The following B3GALT1 variants were observed in gnomAD, a reference collection of about 807,000 sequenced individuals.
B3GALT1 encodes the protein UDP-Gal:betaGlcNAc beta 1,3-galactosyltransferase, polypeptide 1.
B3GALT1 carries 10 observed loss-of-function variants against 23.2 expected under a neutral mutation model. That is an observed-to-expected ratio of 0.43 (90% CI 0.27 to 0.73). B3GALT1 has a LOEUF of 0.73. Among genes scored for constraint, B3GALT1 ranks in the 30% least tolerant of loss-of-function variants. The probability of loss-of-function intolerance (pLI) is 0.21; values close to 1 mark genes in which losing one functional copy is unlikely to be tolerated. For missense variants in B3GALT1, 299 were observed against 405.4 expected (o/e 0.74, Z 2.25); for synonymous variants, 156 against 141.5 (o/e 1.10, Z -0.73).
chr2:167,859,349 T>G (rs1369823460), intron 4 of B3GALT1, among the ~76,000 whole-genome samples: 5 of 152,158 alleles, frequency 3.3e-5, no homozygotes, highest in African/African-American at 1.2e-4. Flanking sequence ...AGGATTGTAG[T>G]GATGTTAAAA....
intron 4 of B3GALT1, among the ~76,000 whole-genome samples, chr2:167,825,028 G>A (rs1689185566): frequency 6.6e-6 from 1 of 152,092 alleles, no homozygotes; most frequent in Non-Finnish European, 1.5e-5. Flanking sequence ...AAAACTGCCT[G>A]TAATCCCAGC....
At chr2:167,552,456 A>T (rs1683765400) in intron 2 of B3GALT1, among the ~76,000 whole-genome samples, 1 of 152,182 alleles carries the variant, frequency 6.6e-6, no homozygotes, top group Non-Finnish European at 1.5e-5. Context: ...ATTTCCATAA[A>T]CAACTTAGTT....
intron 3 of B3GALT1, among the ~76,000 whole-genome samples, chr2:167,748,149 G>A (rs1036902530): frequency 1.3e-5 from 2 of 151,878 alleles, no homozygotes; most frequent in African/African-American, 4.8e-5. Flanking sequence ...ACTATGATAC[G>A]AGCTCTCTGG....
intron 2 of B3GALT1, among the ~76,000 whole-genome samples, chr2:167,602,843 G>A (rs1684899455): frequency 6.6e-6 from 1 of 152,040 alleles, no homozygotes; most frequent in African/African-American, 2.4e-5. Context: ...TTTAGAGATG[G>A]CTATTTAGTA....
intron 2 of B3GALT1, among the ~76,000 whole-genome samples, chr2:167,630,245 A>G (rs928117563): frequency 1.3e-5 from 2 of 151,844 alleles, no homozygotes; most frequent in Admixed American, 1.3e-4. Context: ...ATGAGGGAGT[A>G]GAGGAACAAG....
intron 2 of B3GALT1, among the ~76,000 whole-genome samples, chr2:167,502,582 A>G (rs1699862585): frequency 6.6e-6 from 1 of 152,024 alleles, no homozygotes; most frequent in African/African-American, 2.4e-5. Context: ...CACATCTTAA[A>G]TGGCTGGAGC....
intron 1 of B3GALT1, among the ~76,000 whole-genome samples, chr2:167,456,144 G>C (rs1450873480): frequency 6.6e-6 from 1 of 152,188 alleles, no homozygotes; most frequent in Non-Finnish European, 1.5e-5. Flanking sequence ...CATGGCACCA[G>C]CATCTGCTTC....
intron 4 of B3GALT1, among the ~76,000 whole-genome samples, chr2:167,835,301 C>A (rs1366178496): frequency 1.3e-5 from 2 of 152,188 alleles, no homozygotes; most frequent in African/African-American, 4.8e-5. Context: ...TGACAGATGG[C>A]ACCTGGAAAA....
intron 1 of B3GALT1, among the ~76,000 whole-genome samples, chr2:167,409,907 C>T (rs1698364155): frequency 1.3e-5 from 2 of 151,892 alleles, no homozygotes. Context: ...TACCATTTGA[C>T]CCAGCAATCC....
At chr2:167,381,391 T>A (rs1345982833) in intron 1 of B3GALT1, among the ~76,000 whole-genome samples, 1 of 152,218 alleles carries the variant, frequency 6.6e-6, no homozygotes, top group Non-Finnish European at 1.5e-5. Flanking sequence ...GAATTTTATT[T>A]CAAATTTTAC....
At chr2:167,560,140 G>A (rs567786897) in intron 2 of B3GALT1, among the ~76,000 whole-genome samples, 47 of 152,184 alleles carry the variant, frequency 3.1e-4, no homozygotes, top group Non-Finnish European at 5.6e-4. Flanking sequence ...AAGAGAGTGG[G>A]GGCCAATATT....
chr2:167,626,756 T>A (rs187668397), intron 2 of B3GALT1, among the ~76,000 whole-genome samples: 1 of 151,822 alleles, frequency 6.6e-6, no homozygotes, highest in Non-Finnish European at 1.5e-5. Context: ...AAATATTCTG[T>A]AAGATGCTAA....
chr2:167,690,735 G>A (rs981051787), intron 3 of B3GALT1, among the ~76,000 whole-genome samples: 4 of 152,020 alleles, frequency 2.6e-5, no homozygotes, highest in African/African-American at 7.2e-5. Context: ...CCAATCTATC[G>A]TCCCTAGTTT....
intron 2 of B3GALT1, among the ~76,000 whole-genome samples, chr2:167,628,156 T>A (rs1465883510): frequency 2.0e-5 from 3 of 151,780 alleles, no homozygotes; most frequent in Non-Finnish European, 4.4e-5. Flanking sequence ...CTGTGGCCTG[T>A]CTTTTCATTT....
chr2:167,558,233 TAAAA>T (rs1683890144), intron 2 of B3GALT1: 1 of 152,106 alleles, frequency 6.6e-6, no homozygotes, highest in Non-Finnish European at 1.5e-5. Context: ...ATCATTTAGA[TAAAA>T]TAACATGGAG....
At chr2:167,529,854 G>A (rs1441478280) in intron 2 of B3GALT1, among the ~76,000 whole-genome samples, 1 of 151,830 alleles carries the variant, frequency 6.6e-6, no homozygotes, top group Admixed American at 6.6e-5. Context: ...TCATCTCCCT[G>A]ACTCTACCCT....
intron 1 of B3GALT1, among the ~76,000 whole-genome samples, chr2:167,304,140 A>T (rs894975122): frequency 1.3e-5 from 2 of 152,166 alleles, no homozygotes; most frequent in African/African-American, 4.8e-5. Flanking sequence ...TAATCCCAGG[A>T]TGAAGTTCTG....
chr2:167,608,954 T>C (rs1306032717), intron 2 of B3GALT1, among the ~76,000 whole-genome samples: 3 of 152,130 alleles, frequency 2.0e-5, no homozygotes, highest in Non-Finnish European at 2.9e-5. Context: ...AAGTCTCTCA[T>C]TGACTCAGTG....
intron 3 of B3GALT1, among the ~76,000 whole-genome samples, chr2:167,780,463 C>A (rs965396835): frequency 3.3e-5 from 5 of 152,236 alleles, no homozygotes; most frequent in Non-Finnish European, 7.3e-5. Context: ...ATCTATAACA[C>A]TTGTTCATTG....
Sources: gnomAD v4.1 joint callset for allele counts (sites outside exome capture counted in the v4.1 genomes callset) on GRCh38, gnomAD v4.1.1 for gene constraint, MANE v1.5 for transcripts, NCBI Gene and HGNC (gene_info 2026-07-23, HGNC 2026-07-21) for gene names.